Variants in LRRC73 observed in about 807,000 individuals in gnomAD.
The protein encoded by LRRC73 is leucine-rich repeat-containing protein 73.
LRRC73 carries 16 observed loss-of-function variants against 26.4 expected under a neutral mutation model. That is an observed-to-expected ratio of 0.61 (90% CI 0.41 to 0.92). LRRC73 has a LOEUF of 0.92. Among genes scored for constraint, LRRC73 ranks in the 40% least tolerant of loss-of-function variants. LRRC73 has a pLI of 0.00. For synonymous variants in LRRC73, 210 were observed against 179.8 expected (o/e 1.17, Z -1.34); for missense variants, 344 against 416.3 (o/e 0.83, Z 1.51).
chr6:43,508,944 G>T (rs1178031074), intron 1 of LRRC73, 24 bp from the exon 2 acceptor site: 1 of 1,564,960 alleles, frequency 6.4e-7, no homozygotes. Context: ...AGAGAGCAGG[G>T]TTACTGCAGT....
intron 1 of LRRC73, 124 bp downstream of exon 1, chr6:43,509,390 T>G (rs1225226819): frequency 1.6e-6 from 2 of 1,218,462 alleles, no homozygotes; most frequent in Non-Finnish European, 1.1e-6. Flanking sequence ...CGAGGCACGG[T>G]GTATGTGCAT....
intron 1 of LRRC73, among the ~76,000 whole-genome samples, 155 bp downstream of exon 1, chr6:43,509,359 G>A (rs542365268): frequency 6.6e-6 from 1 of 152,346 alleles, no homozygotes; most frequent in East Asian, 1.9e-4. Context: ...TGTGCTTGGA[G>A]GGTGCTGTGA....
At chr6:43,508,624 C>T in intron 2 of LRRC73, 136 bp downstream of exon 2, 1 of 1,406,826 alleles carries the variant, frequency 7.1e-7, no homozygotes, top group South Asian at 1.3e-5. Context: ...TGCCCCCCGT[C>T]CTGCCCCTTC....
At chr6:43,508,053 G>T in intron 3 of LRRC73, 127 bp from the exon 4 acceptor site, 1 of 1,009,000 alleles carries the variant, frequency 9.9e-7, no homozygotes, top group Non-Finnish European at 1.5e-6. Flanking sequence ...ATTGGTGGTG[G>T]TCAGGAAGGG....
exon 1 of LRRC73, chr6:43,510,001 G>C: frequency 2.9e-6 from 1 of 339,766 alleles, no homozygotes. Context: ...GAGCCGGCCA[G>C]AGGTGCGGAG....
chr6:43,508,301 G>C, exon 3 of LRRC73: 1 of 1,611,420 alleles, frequency 6.2e-7, no homozygotes, highest in Non-Finnish European at 8.5e-7. Context: ...GCCTCACCCA[G>C]GGGGTTGTAA....
Position 43,507,358 on chromosome 6 carries a change from G to T in LRRC73, c.881-50C>A, listed in dbSNP as rs1457959336. On this transcript the variant is annotated intron_variant, in intron 5 of 5. Transcript: ENST00000372441. ...AGACCACCATTCCTTCCTCCAATGG[G>T]GACCACAGATAGGTGAGAGCCTAGG... 3.7e-6 allele frequency: 6 copies of T among 1,610,654 alleles called. No individual in the cohort carries two copies. In the Admixed American group the frequency reaches 1.0e-4, roughly 27 times the overall value.
chr6:43,507,837 G>C (rs1792542210), exon 4 of LRRC73: 2 of 1,613,778 alleles, frequency 1.2e-6, no homozygotes, highest in Non-Finnish European at 1.7e-6. Context: ...TGAGCTGACT[G>C]GTTGGTGAGC....
At chr6:43,507,630 C>T (rs749649304) in exon 5 of LRRC73, 2 of 1,614,152 alleles carry the variant, frequency 1.2e-6, no homozygotes, top group Non-Finnish European at 1.7e-6. Context: ...TCAGCCAACA[C>T]CAGGCTCCGC....
At chr6:43,508,213 C>T (rs752980020) in intron 3 of LRRC73, 85 bp downstream of exon 3, 663 of 1,512,688 alleles carry the variant, frequency 4.4e-4, no homozygotes, top group Non-Finnish European at 5.3e-4. Context: ...TCCCAGTGTA[C>T]GGGTTACCAT....
At chr6:43,507,120 C>A in exon 6 of LRRC73, 2 of 1,014,944 alleles carry the variant, frequency 2.0e-6, no homozygotes, top group Non-Finnish European at 3.0e-6. Flanking sequence ...GCTGCCAGAG[C>A]CCCCATGCAG....
intron 1 of LRRC73, among the ~76,000 whole-genome samples, chr6:43,509,307 GT>G (rs1156638745): frequency 2.0e-5 from 3 of 152,244 alleles, no homozygotes; most frequent in Non-Finnish European, 1.5e-5. Context: ...GAACTGGTGG[GT>G]ATCCCAACAC....
exon 1 of LRRC73, chr6:43,509,880 C>T: frequency 8.4e-7 from 1 of 1,190,724 alleles, no homozygotes; most frequent in Non-Finnish European, 1.1e-6. Context: ...GGGGCCCCGG[C>T]AGGGGTCGCG....
chr6:43,507,592 T>C, exon 5 of LRRC73: 2 of 1,608,008 alleles, frequency 1.2e-6, no homozygotes, highest in Non-Finnish European at 8.5e-7. Flanking sequence ...CACAGATCTG[T>C]TGCTGCAGCT....
exon 3 of LRRC73, chr6:43,508,405 G>A (rs758930916): frequency 3.7e-6 from 6 of 1,613,640 alleles, no homozygotes; most frequent in South Asian, 3.3e-5. Context: ...GGCACTCAGC[G>A]TTAGCTCCTT....
At chr6:43,507,106 A>T in exon 6 of LRRC73, 1 of 892,192 alleles carries the variant, frequency 1.1e-6, no homozygotes, top group Non-Finnish European at 1.8e-6. Context: ...CCACACTGCC[A>T]GGAGCTGCCA....
At chr6:43,509,944 G>C (rs1792614146) in exon 1 of LRRC73, 1 of 504,000 alleles carries the variant, frequency 2.0e-6, no homozygotes. Context: ...CTGCGGCTGC[G>C]GCGGAGGCTG....
intron 1 of LRRC73, 52 bp downstream of exon 1, chr6:43,509,462 G>A (rs925673308): frequency 6.5e-7 from 1 of 1,549,818 alleles, no homozygotes; most frequent in Non-Finnish European, 8.7e-7. Context: ...TGCCAGGGGA[G>A]TGTATGGAAG....
At chr6:43,509,881 A>AGGGGTCGCGGGCGGAGT in exon 1 of LRRC73, 1 of 1,157,820 alleles carries the variant, frequency 8.6e-7, no homozygotes, top group Non-Finnish European at 1.1e-6. Context: ...GGGCCCCGGC[A>AGGGGTCGCGGGCGGAGT]GGGGTCGCGG....
Sources: gnomAD v4.1 joint callset for allele counts (sites outside exome capture counted in the v4.1 genomes callset) on GRCh38, gnomAD v4.1.1 for gene constraint, MANE v1.5 for transcripts, NCBI Gene and HGNC (gene_info 2026-07-23, HGNC 2026-07-21) for gene names.